Variants in MOCS3 observed in about 807,000 individuals in gnomAD.
MOCS3 encodes molybdenum cofactor synthesis 3, also known as adenylyltransferase and sulfurtransferase MOCS3.
In MOCS3, 9 loss-of-function variants were observed where a neutral mutation model predicts 8.4. That is an observed-to-expected ratio of 1.07 (90% CI 0.65 to 1.87). The LOEUF is 1.87. Ranked by LOEUF, MOCS3 falls within the 40% of genes most tolerant of loss-of-function variation. MOCS3 has a pLI of 0.00. For missense variants in MOCS3, 581 were observed against 599.7 expected, an observed-to-expected ratio of 0.97 and a Z score of 0.33; for synonymous variants, 294 against 272.0, an observed-to-expected ratio of 1.08 and a Z score of -0.80.
Position 50,960,010 on chromosome 20 carries a change from A to G in MOCS3, c.1168A>G (p.Lys390Glu), listed in dbSNP as rs971360128. 1.2e-6 allele frequency: 2 copies of G among 1,614,262 alleles called. No individual in the cohort carries two copies. The highest frequency in any genetic ancestry group is 2.2e-5 in the East Asian group (1 of 44,886). The part of the protein sequence containing the change: ...RRDAESLKLL[K>E]EAIWEEKQGT... ...GGATGCGGAGAGCCTGAAACTCTTA[A>G]AAGAAGCAATCTGGGAAGAGAAGCA... The change falls in exon 1 of 1, where the codon AAA (lysine) becomes GAA (glutamate). Residue 390 changes from lysine (K) to glutamate (E), a missense_variant. Transcript: ENST00000244051.
rs1987101165 is a variant in MOCS3, at chr20:50,961,437, G to C, written c.*1212G>C. 1 of 152,966 alleles carries C rather than the reference G, an allele frequency of 6.5e-6. No homozygotes were observed. Among genetic ancestry groups the C allele is most frequent in the Non-Finnish European group, 1.5e-5 (1 of 68,024 alleles). 9.5% of individuals were successfully genotyped at this position (152,966 alleles called of 1,614,324 possible). ...CTATCAGTGGCCAGATGAACTAATGGCTTGTCAGAAGGGGGCCTGTGACCT... is the reference window on the plus strand; with the variant it reads ...CTATCAGTGGCCAGATGAACTAATGCCTTGTCAGAAGGGGGCCTGTGACCT... On this transcript the variant is annotated 3_prime_UTR_variant, in exon 1 of 1. Transcript: ENST00000244051.
chr20:50,959,796 C>T lies in MOCS3; in HGVS notation c.954C>T (p.Ser318=). Residue 318 remains serine (S), a synonymous_variant, in exon 1 of 1, where the codon TCC becomes TCT. Coordinates refer to ENST00000244051, the MANE Select transcript of MOCS3 (RefSeq NM_014484.5). ...TGGACTATGAAGCCTTCTGTGGCTC[C>T]TCAGCCACTGATAAATGCCGCTCCC... ...DLLDYEAFCG[S]SATDKCRSLQ... 1 of 1,614,266 alleles carries T rather than the reference C, an allele frequency of 6.2e-7. No homozygotes were observed. The highest frequency in any genetic ancestry group is 8.5e-7 in the Non-Finnish European group (1 of 1,180,048).
In MOCS3 at chr20:50,960,069, T is replaced by G. The variant is rs1000726687; in HGVS notation, c.1227T>G (p.Tyr409Ter). 1.4e-5 allele frequency: 23 copies of G among 1,614,156 alleles called. No homozygotes were observed. The African/African-American group carries it at 1.5e-4, about 10-fold the overall frequency. Reference protein sequence around the residue: ...GTQEGAAVPIYVICKLGNDSQ... With the variant: ...GTQEGAAVPI ...AAGAAGGGGCTGCTGTCCCCATTTA[T>G]GTGATTTGCAAACTGGGAAATGACT... Residue 409 changes from tyrosine to a stop codon, truncating the protein, a stop_gained, in exon 1 of 1, where the codon TAT (tyrosine) becomes TAG (stop). Transcript: ENST00000244051. LOFTEE classifies it high-confidence loss of function.
chr20:50,959,974 T>G lies in MOCS3; in HGVS notation c.1132T>G (p.Leu378Val), dbSNP rs751021182. The G allele has an allele frequency of 6.2e-7, 1 of 1,614,210 alleles. No homozygotes were observed. Among genetic ancestry groups the G allele is most frequent in the Non-Finnish European group, 8.5e-7 (1 of 1,180,040 alleles). ...TGCCCTACACATCCCTCTGAAACAT[T>G]TGGAACGCAGGGATGCGGAGAGCCT... ...PHALHIPLKH[L>V]ERRDAESLKL... Residue 378 changes from leucine to valine, a missense_variant, in exon 1 of 1, where the codon TTG becomes GTG. Transcript: ENST00000244051.
chr20:50,962,115 CT>C lies in MOCS3; in HGVS notation c.*1891del, dbSNP rs1987114398. On this transcript the variant is annotated 3_prime_UTR_variant, in exon 1 of 1. Transcript: ENST00000244051. ...GAGAATTTTGGGGACAGATTCAAGG[CT>C]GTACTTCTAGGAATGATGCCCGAAA... 6.6e-6 allele frequency: 1 copy of C among 152,180 alleles called. No homozygotes were observed. The highest frequency in any genetic ancestry group is 2.1e-4 in the South Asian group (1 of 4,834). The allele number at this position is 152,180 out of a possible 1,614,324, so 9.4% of individuals were successfully genotyped here.
rs1987074183 is a variant in MOCS3, at chr20:50,960,287, G to A, written c.*62G>A. On this transcript the variant is annotated 3_prime_UTR_variant, in exon 1 of 1. Coordinates refer to ENST00000244051, the MANE Select transcript of MOCS3 (RefSeq NM_014484.5). ...GCCATAATACCTCAAAGATACACTT[G>A]TTTGCATTTTTCGGTAATATACATA... 1.3e-6 allele frequency: 2 copies of A among 1,503,114 alleles called. No homozygotes were observed. Among genetic ancestry groups the A allele is most frequent in the African/African-American group, 2.8e-5 (2 of 71,510 alleles). The allele number at this position is 1,503,114 out of a possible 1,614,324, so 93.1% of individuals were successfully genotyped here.
In MOCS3 at chr20:50,958,927, G is replaced by A. The variant is rs773090688; in HGVS notation, c.85G>A (p.Ala29Thr). The A allele has an allele frequency of 3.1e-6, 5 of 1,609,944 alleles. No individual in the cohort carries two copies. In the East Asian group the frequency reaches 8.9e-5, roughly 29 times the overall value. The part of the protein sequence containing the change: ...EELNSLKQKL[A>T]SALLAEQEPQ... Reference sequence around the variant, plus strand: ...ATTGAATTCGCTGAAGCAGAAGCTGGCGTCGGCTCTTTTGGCTGAGCAGGA... The same window carrying A: ...ATTGAATTCGCTGAAGCAGAAGCTGACGTCGGCTCTTTTGGCTGAGCAGGA... The change falls in exon 1 of 1, where the codon GCG (alanine) becomes ACG (threonine). Residue 29 changes from alanine to threonine, a missense_variant. Coordinates refer to ENST00000244051, the MANE Select transcript of MOCS3 (RefSeq NM_014484.5).
chr20:50,959,089 G>C lies in MOCS3; in HGVS notation c.247G>C (p.Ala83Pro). ...GVHGQLRLGT[A>P]CVLIVGCGGL... ...GCACGGACAGCTGCGCCTGGGGACC[G>C]CGTGCGTGCTAATCGTGGGCTGCGG... The change falls in exon 1 of 1, where the codon GCG (alanine) becomes CCG (proline). Residue 83 changes from alanine (A) to proline (P), a missense_variant. Physicochemically the swap from Ala to Pro is conservative, Grantham distance 27 (BLOSUM62 -1). Coordinates refer to ENST00000244051, the MANE Select transcript of MOCS3 (RefSeq NM_014484.5). The C allele has an allele frequency of 6.2e-7, 1 of 1,613,056 alleles. No individual in the cohort carries two copies.
chr20:50,959,089 G>A lies in MOCS3; in HGVS notation c.247G>A (p.Ala83Thr). ...GVHGQLRLGT[A>T]CVLIVGCGGL... ...GCACGGACAGCTGCGCCTGGGGACC[G>A]CGTGCGTGCTAATCGTGGGCTGCGG... The change falls in exon 1 of 1, where the codon GCG becomes ACG. Residue 83 changes from alanine to threonine, a missense_variant. Ala to Thr is a moderately conservative substitution (Grantham distance 58). Coordinates refer to ENST00000244051, the MANE Select transcript of MOCS3 (RefSeq NM_014484.5). The A allele has an allele frequency of 2.5e-6, 4 of 1,613,056 alleles. No individual in the cohort carries two copies. The highest frequency in any genetic ancestry group is 3.4e-6 in the Non-Finnish European group (4 of 1,179,872).
chr20:50,959,395 A>T lies in MOCS3; in HGVS notation c.553A>T (p.Thr185Ser), dbSNP rs2123159453. The change falls in exon 1 of 1, where the codon ACT (threonine) becomes TCT (serine). Residue 185 changes from threonine (T) to serine (S), a missense_variant. Coordinates refer to ENST00000244051, the MANE Select transcript of MOCS3 (RefSeq NM_014484.5). ...GGCTGACTGCTCGGACAACGTGCCC[A>T]CTCGCTACCTGGTTAATGACGCATG... ...VVADCSDNVP[T>S]RYLVNDACVL... 6 of 1,613,296 alleles carry T rather than the reference A, an allele frequency of 3.7e-6. No homozygotes were observed. The highest frequency in any genetic ancestry group is 5.1e-6 in the Non-Finnish European group (6 of 1,179,656).
Position 50,958,963 on chromosome 20 carries a change from G to C in MOCS3, c.121G>C (p.Glu41Gln), listed in dbSNP as rs1459097437. 1 of 1,610,674 alleles carries C rather than the reference G, an allele frequency of 6.2e-7. No homozygotes were observed. Residue 41 changes from glutamate to glutamine, a missense_variant, in exon 1 of 1, where the codon GAA becomes CAA. Transcript: ENST00000244051. ...ALLAEQEPQP[E>Q]RLVPVSPLPP... ...TTTGGCTGAGCAGGAACCGCAGCCA[G>C]AACGGCTGGTTCCGGTGTCGCCGCT... is the stretch of plus-strand genomic sequence containing the variant.
chr20:50,959,023 C>A lies in MOCS3; in HGVS notation c.181C>A (p.Leu61Met). Residue 61 changes from leucine to methionine, a missense_variant, in exon 1 of 1, where the codon CTG becomes ATG. Transcript: ENST00000244051. ...PKAALSRDEI[L>M]RYSRQLVLPE... is the part of the protein sequence containing the mutation. Reference sequence around the variant, plus strand: ...GGCCGCTCTGTCCCGAGATGAGATTCTGCGCTATAGCCGGCAGCTAGTGCT... The same window carrying A: ...GGCCGCTCTGTCCCGAGATGAGATTATGCGCTATAGCCGGCAGCTAGTGCT... The A allele has an allele frequency of 6.2e-7, 1 of 1,612,236 alleles. No individual in the cohort carries two copies. The highest frequency in any genetic ancestry group is 8.5e-7 in the Non-Finnish European group (1 of 1,179,194).
In MOCS3 at chr20:50,962,970, T is replaced by G. The variant is rs1987133024; in HGVS notation, c.*2745T>G. The G allele has an allele frequency of 2.6e-5, 4 of 152,172 alleles. No individual in the cohort carries two copies. The allele number at this position is 152,172 out of a possible 1,614,324, so 9.4% of individuals were successfully genotyped here. On this transcript the variant is annotated 3_prime_UTR_variant, in exon 1 of 1. Coordinates refer to ENST00000244051, the MANE Select transcript of MOCS3 (RefSeq NM_014484.5). ...TCTTGCTTCGTCGCCCAGGGTGGAG[T>G]GTAGTGTTGTGATCACAGCTCGCTG...
chr20:50,959,736 A>G lies in MOCS3; in HGVS notation c.894A>G (p.Ala298=). The change falls in exon 1 of 1, where the codon GCA becomes GCG. Residue 298 remains alanine (A), a synonymous_variant. Coordinates refer to ENST00000244051, the MANE Select transcript of MOCS3 (RefSeq NM_014484.5). ...IRLRSRRLDC[A]ACGERPTVTD... is the part of the protein sequence containing the mutation. ...TGCGGAGCCGCAGGCTCGACTGTGC[A>G]GCTTGCGGGGAACGGCCCACTGTGA... The G allele has an allele frequency of 6.2e-7, 1 of 1,614,266 alleles. No homozygotes were observed.
rs1987099712 is a variant in MOCS3 at position 50,961,346 on chromosome 20, T to C, written c.*1121T>C. The C allele has an allele frequency of 1.8e-5, 3 of 163,354 alleles. No individual in the cohort carries two copies. The Admixed American group carries it at 2.0e-4, about 11-fold the overall frequency. The allele number at this position is 163,354 out of a possible 1,614,324, so 10.1% of individuals were successfully genotyped here. Reference sequence around the variant, plus strand: ...TTTACTTAACATTTTCATAAAATAGTAGGTAGTCTCACCAACTTCCAATAT... The same window carrying C: ...TTTACTTAACATTTTCATAAAATAGCAGGTAGTCTCACCAACTTCCAATAT... On this transcript the variant is annotated 3_prime_UTR_variant, in exon 1 of 1. Transcript: ENST00000244051.
At position 50,960,117 on chromosome 20, in the gene MOCS3, C is replaced by T. The variant is rs1463451921; in HGVS notation, c.1275C>T (p.Leu425=). ...ACTCACAGAAAGCCGTGAAGATCCT[C>T]CAGTCCTTATCAGCAGCTCAAGAGT... ...GNDSQKAVKI[L]QSLSAAQELD... Residue 425 remains leucine, a synonymous_variant, in exon 1 of 1, where the codon CTC becomes CTT. Transcript: ENST00000244051. 6.2e-7 allele frequency: 1 copy of T among 1,614,122 alleles called. No homozygotes were observed. The highest frequency in any genetic ancestry group is 1.3e-5 in the African/African-American group (1 of 74,954).
In MOCS3 at chr20:50,959,828, T is replaced by C; in HGVS notation, c.986T>C (p.Leu329Pro). Residue 329 changes from leucine (L) to proline (P), a missense_variant, in exon 1 of 1, where the codon CTA becomes CCA. Transcript: ENST00000244051. ...ACTGATAAATGCCGCTCCCTGCAAC[T>C]ACTGAGCCCAGAGGAGCGTGTTTCT... is the stretch of plus-strand genomic sequence containing the variant. ...SATDKCRSLQ[L>P]LSPEERVSVT... 6.2e-7 allele frequency: 1 copy of C among 1,614,258 alleles called. No homozygotes were observed. Among genetic ancestry groups the C allele is most frequent in the Non-Finnish European group, 8.5e-7 (1 of 1,180,040 alleles).
chr20:50,963,268 C>A lies in MOCS3; in HGVS notation c.*3043C>A, dbSNP rs1987137521. 1 of 152,134 alleles carries A rather than the reference C, an allele frequency of 6.6e-6. No individual in the cohort carries two copies. Among genetic ancestry groups the A allele is most frequent in the South Asian group, 2.1e-4 (1 of 4,830 alleles). 9.4% of individuals were successfully genotyped at this position (152,134 alleles called of 1,614,324 possible). A position where few individuals can be genotyped will look rare whatever the true frequency, so the allele number is the denominator to read the frequency against. ...GTTGTTTCCTTTTCATAACAAACAT[C>A]AAATGCCTTCAGTGTACTAGTTCTT... On this transcript the variant is annotated 3_prime_UTR_variant, in exon 1 of 1. Transcript: ENST00000244051.
rs749493550 is a variant in MOCS3 at position 50,959,914 on chromosome 20, C to T, written c.1072C>T (p.Pro358Ser). ...ATTCCACCTGTTGCTGGACGTCAGG[C>T]CTCAGGTGGAGGTGGACATTTGTCG... ...GAFHLLLDVR[P>S]QVEVDICRLP... The change falls in exon 1 of 1, where the codon CCT becomes TCT. Residue 358 changes from proline (P) to serine (S), a missense_variant. Physicochemically the swap from Pro to Ser is moderately conservative, Grantham distance 74. Coordinates refer to ENST00000244051, the MANE Select transcript of MOCS3 (RefSeq NM_014484.5). 3 of 1,614,128 alleles carry T rather than the reference C, an allele frequency of 1.9e-6. No homozygotes were observed. In the African/African-American group the frequency reaches 4.0e-5, roughly 22 times the overall value.
Sources: allele counts gnomAD v4.1 joint callset, GRCh38; gene constraint gnomAD v4.1.1; transcripts MANE v1.5; gene names NCBI Gene and HGNC (gene_info 2026-07-23, HGNC 2026-07-21).